CLYBL: variants seen among roughly 807,000 people sequenced by gnomAD.
The protein encoded by CLYBL is citramalyl-CoA lyase.
In CLYBL, 31 loss-of-function variants were observed where a neutral mutation model predicts 38.9. The observed-to-expected ratio is 0.80, with a 90% CI of 0.60 to 1.08. CLYBL has a LOEUF of 1.08. CLYBL is among the 50% of genes least tolerant of loss of function. The pLI is 0.00. For missense variants in CLYBL, 434 were observed against 411.6 expected, an observed-to-expected ratio of 1.05 and a Z score of -0.47; for synonymous variants, 171 against 158.6, an observed-to-expected ratio of 1.08 and a Z score of -0.59.
intron 8 of CLYBL, among the ~76,000 whole-genome samples, chr13:99,904,432 G>T (rs961964889): frequency 2.6e-5 from 4 of 152,194 alleles, no homozygotes; most frequent in Non-Finnish European, 5.9e-5. Flanking sequence ...TGGGTCTCAT[G>T]AATTGATTTG....
At chr13:99,825,211 A>G (rs1566342512) in intron 2 of CLYBL, among the ~76,000 whole-genome samples, 2 of 152,166 alleles carry the variant, frequency 1.3e-5, no homozygotes, top group Non-Finnish European at 2.9e-5. Flanking sequence ...TGGGCAGCCC[A>G]AGGTAGAACT....
chr13:99,662,627 A>T (rs1432046716), intron 1 of CLYBL, among the ~76,000 whole-genome samples: 1 of 150,420 alleles, frequency 6.6e-6, no homozygotes, highest in African/African-American at 2.4e-5. Context: ...AAATTGTCAC[A>T]TTTTAAAGTA....
chr13:99,846,511 T>A (rs1184238656), intron 2 of CLYBL, among the ~76,000 whole-genome samples: 2 of 152,208 alleles, frequency 1.3e-5, no homozygotes, highest in African/African-American at 4.8e-5. Flanking sequence ...TGCCATCACA[T>A]AGCTGATTGT....
chr13:99,607,943 C>T (rs2046554888), intron 1 of CLYBL, among the ~76,000 whole-genome samples: 1 of 151,996 alleles, frequency 6.6e-6, no homozygotes, highest in African/African-American at 2.4e-5. Flanking sequence ...AGAGTTTCGC[C>T]ATGTTGGCCA....
At chr13:99,744,675 A>G (rs1032709726) in intron 1 of CLYBL, among the ~76,000 whole-genome samples, 1 of 152,204 alleles carries the variant, frequency 6.6e-6, no homozygotes, top group African/African-American at 2.4e-5. Context: ...TCCTATGGAA[A>G]TGCATTTAGG....
intron 1 of CLYBL, among the ~76,000 whole-genome samples, chr13:99,695,003 G>A (rs1012650654): frequency 9.9e-5 from 15 of 152,270 alleles, no homozygotes; most frequent in South Asian, 2.1e-4. Flanking sequence ...CAGCATGTTC[G>A]CGAAGTCCTT....
At chr13:99,690,514 C>G (rs775475947) in intron 1 of CLYBL, 3 of 152,054 alleles carry the variant, frequency 2.0e-5, no homozygotes, top group African/African-American at 7.3e-5. Flanking sequence ...TAATACCGCA[C>G]AGCTTGGAGG....
chr13:99,866,805 G>GA (rs1481602629), intron 6 of CLYBL, among the ~76,000 whole-genome samples: 3 of 151,298 alleles, frequency 2.0e-5, no homozygotes, highest in South Asian at 2.1e-4. Context: ...ATTCATTTCT[G>GA]AAAAAAAATG....
intron 1 of CLYBL, among the ~76,000 whole-genome samples, chr13:99,698,436 A>T (rs1235857667): frequency 6.6e-6 from 1 of 152,078 alleles, no homozygotes; most frequent in Non-Finnish European, 1.5e-5. Context: ...CCCCATCAGA[A>T]TTACGTTCAA....
intron 1 of CLYBL, among the ~76,000 whole-genome samples, chr13:99,608,086 T>TC (rs1378390496): frequency 2.6e-5 from 2 of 77,574 alleles, no homozygotes; most frequent in Admixed American, 1.5e-4. Flanking sequence ...TTTTTTTTTT[T>TC]CCGAGATGGA....
chr13:99,880,981 G>A lies in CLYBL; in HGVS notation c.927+9919G>A, dbSNP rs114823026. Among the ~76,000 whole-genome samples the A allele has an allele frequency of 2.5e-3, 380 of 152,328 alleles. 4 individuals are homozygous for A. Among genetic ancestry groups the A allele is most frequent in the African/African-American group, 8.7e-3 (362 of 41,570 alleles). On this transcript the variant is annotated intron_variant, in intron 7 of 8. Transcript: ENST00000339105. ...ACCCTCTCTGAACCTGGGCTTTCCG[G>A]GGCCTTCCCCAGCTGCTCAGCATGC...
At chr13:99,830,547 C>T (rs1186209523) in intron 2 of CLYBL, among the ~76,000 whole-genome samples, 1 of 152,144 alleles carries the variant, frequency 6.6e-6, no homozygotes, top group Non-Finnish European at 1.5e-5. Context: ...ATTAGGGTTG[C>T]CCCAAGTTAC....
intron 2 of CLYBL, among the ~76,000 whole-genome samples, chr13:99,787,790 C>T (rs2049829272): frequency 6.6e-6 from 1 of 152,138 alleles, no homozygotes; most frequent in South Asian, 2.1e-4. Flanking sequence ...TTACCTTGGG[C>T]AGTATGGCCA....
intron 2 of CLYBL, among the ~76,000 whole-genome samples, chr13:99,854,387 C>T (rs1283727739): frequency 6.6e-6 from 1 of 150,988 alleles, no homozygotes; most frequent in African/African-American, 2.4e-5. Flanking sequence ...TCTTGGTTGT[C>T]ACAATCCCCC....
At chr13:99,816,976 A>G (rs566637594) in intron 2 of CLYBL, among the ~76,000 whole-genome samples, 38 of 152,198 alleles carry the variant, frequency 2.5e-4, no homozygotes, top group Non-Finnish European at 2.8e-4. Context: ...ACCATGGGAT[A>G]ATGCCTGACA....
At chr13:99,831,556 T>A (rs2139075301) in intron 2 of CLYBL, among the ~76,000 whole-genome samples, 1 of 151,980 alleles carries the variant, frequency 6.6e-6, no homozygotes, top group African/African-American at 2.4e-5. Flanking sequence ...AAAATAAAAT[T>A]TAAAAAATGA....
At chr13:99,823,806 T>C (rs1410929364) in intron 2 of CLYBL, among the ~76,000 whole-genome samples, 2 of 152,312 alleles carry the variant, frequency 1.3e-5, no homozygotes, top group East Asian at 3.9e-4. Context: ...TCAAGTAACC[T>C]ATATGTTCTA....
At position 99,772,057 on chromosome 13, in the gene CLYBL, C is replaced by T. The variant is rs1181894548; in HGVS notation, c.63-767C>T. Among the ~76,000 whole-genome samples the T allele has an allele frequency of 4.6e-5, 7 of 152,106 alleles. No homozygotes were observed. In the South Asian group the frequency reaches 8.3e-4, roughly 18 times the overall value. ...AAATTGGATGTGAATCACCAATTTT[C>T]ACCCTTTAAAAGATGTATTGGCAGG... is the stretch of plus-strand genomic sequence containing the variant. On this transcript the variant is annotated intron_variant, in intron 1 of 8. Transcript: ENST00000339105.
chr13:99,792,379 T>C (rs576269810), intron 2 of CLYBL, among the ~76,000 whole-genome samples: 1 of 152,016 alleles, frequency 6.6e-6, no homozygotes, highest in Non-Finnish European at 1.5e-5. Context: ...CCACCCTCAG[T>C]AGAGGGGGCA....
Sources: allele counts gnomAD v4.1 joint callset (sites outside exome capture counted in the v4.1 genomes callset), GRCh38; gene constraint gnomAD v4.1.1; transcripts MANE v1.5; gene names NCBI Gene and HGNC (gene_info 2026-07-23, HGNC 2026-07-21).